Variants in ASXL3 observed in about 807,000 individuals in gnomAD.
ASXL3 encodes the protein ASXL transcriptional regulator 3, also known as putative Polycomb group protein ASXL3.
In ASXL3, 34 loss-of-function variants were observed where a neutral mutation model predicts 170.6. The ratio of observed to expected loss-of-function variants is 0.20; its 90% CI spans 0.15 to 0.27. ASXL3 has a LOEUF of 0.27. ASXL3 is among the 10% of genes least tolerant of loss of function. The pLI, the probability that ASXL3 is intolerant of heterozygous loss-of-function variation, is 1.00. For synonymous variants in ASXL3, 1,002 were observed against 989.1 expected, an observed-to-expected ratio of 1.01 and a Z score of -0.24; for missense variants, 2,592 against 2,695.3, an observed-to-expected ratio of 0.96 and a Z score of 0.85.
chr18:33,622,013 G>A (rs947667079), intron 2 of ASXL3, among the ~76,000 whole-genome samples: 5 of 152,100 alleles, frequency 3.3e-5, no homozygotes, highest in African/African-American at 1.2e-4. Flanking sequence ...ATAATGGTCT[G>A]AAAAGCCCAA....
chr18:33,644,904 C>A lies in ASXL3; in HGVS notation c.148C>A (p.Pro50Thr). The change falls in exon 3 of 12, where the codon CCA becomes ACA. Residue 50 changes from proline to threonine, a missense_variant. Pro to Thr is a conservative substitution (Grantham distance 38). Coordinates refer to ENST00000269197, the MANE Select transcript of ASXL3 (RefSeq NM_030632.3). ...EGLKETSGTS[P>T]LACLNAMLHT... Reference sequence around the variant, plus strand: ...ACTTTTATTTTCTAGTGGAACCTCTCCATTAGCCTGTCTGAATGCAATGCT... The same window carrying A: ...ACTTTTATTTTCTAGTGGAACCTCTACATTAGCCTGTCTGAATGCAATGCT... 1 of 1,568,910 alleles carries A rather than the reference C, an allele frequency of 6.4e-7. No individual in the cohort carries two copies. Among genetic ancestry groups the A allele is most frequent in the South Asian group, 1.2e-5 (1 of 85,236 alleles).
chr18:33,743,818 C>G lies in ASXL3; in HGVS notation c.3970C>G (p.Leu1324Val). The change falls in exon 12 of 12, where the codon CTA (leucine) becomes GTA (valine). Residue 1324 changes from leucine (L) to valine (V), a missense_variant. By Grantham distance (32) the Leu-to-Val change is conservative. Coordinates refer to ENST00000269197, the MANE Select transcript of ASXL3 (RefSeq NM_030632.3). ...AAGCTCCATGGATGATAAGCAGTTA[C>G]TAATATCAAGCAGCAGTGCTAGTAA... ...ISSSMDDKQLLISSSSASNLV... is the reference protein window; with the variant it reads ...ISSSMDDKQLVISSSSASNLV... 6.2e-7 allele frequency: 1 copy of G among 1,614,040 alleles called. No individual in the cohort carries two copies. Among genetic ancestry groups the G allele is most frequent in the Non-Finnish European group, 8.5e-7 (1 of 1,179,894 alleles).
intron 2 of ASXL3, among the ~76,000 whole-genome samples, chr18:33,628,909 C>G (rs1219201105): frequency 1.3e-5 from 2 of 152,176 alleles, no homozygotes; most frequent in Non-Finnish European, 2.9e-5. Context: ...TTCATACTAG[C>G]AGTTTTCATT....
At chr18:33,710,842 C>A (rs752617575) in intron 8 of ASXL3, among the ~76,000 whole-genome samples, 1 of 152,106 alleles carries the variant, frequency 6.6e-6, no homozygotes, top group Non-Finnish European at 1.5e-5. Context: ...TATTAAACTT[C>A]TAATTTTATT....
At chr18:33,604,606 GC>G (rs1412554483) in intron 1 of ASXL3, among the ~76,000 whole-genome samples, 1 of 151,930 alleles carries the variant, frequency 6.6e-6, no homozygotes, top group East Asian at 1.9e-4. Flanking sequence ...CCTGGACAAA[GC>G]CCCCCAAGGA....
chr18:33,645,539 A>G (rs1237190626), intron 3 of ASXL3, among the ~76,000 whole-genome samples: 1 of 152,002 alleles, frequency 6.6e-6, no homozygotes, highest in East Asian at 1.9e-4. Flanking sequence ...CTGAGTCTTA[A>G]TTATTTTAGT....
chr18:33,739,382 G>A lies in ASXL3; in HGVS notation c.1978G>A (p.Asp660Asn). ...TGAGGTATCTAGCACTGAAAATACA[G>A]ACAAATACAACCAGAGAAATTCCAC... ...CSEVSSTENT[D>N]KYNQRNSTDE... The change falls in exon 11 of 12, where the codon GAC (aspartate) becomes AAC (asparagine). Residue 660 changes from aspartate to asparagine, a missense_variant. By Grantham distance (23) the Asp-to-Asn change is conservative (BLOSUM62 1). This residue lies in a region of ASXL3 where 2,246 missense variants were observed against 2,219.6 expected (regional missense o/e 1.01). Coordinates refer to ENST00000269197, the MANE Select transcript of ASXL3 (RefSeq NM_030632.3). The A allele has an allele frequency of 1.9e-6, 3 of 1,613,754 alleles. No individual in the cohort carries two copies. The highest frequency in any genetic ancestry group is 2.5e-6 in the Non-Finnish European group (3 of 1,179,774).
At chr18:33,695,640 G>A (rs1174459271) in intron 8 of ASXL3, among the ~76,000 whole-genome samples, 1 of 151,986 alleles carries the variant, frequency 6.6e-6, no homozygotes, top group African/African-American at 2.4e-5. Context: ...CACATAATAG[G>A]CAATCTAACT....
chr18:33,678,153 C>T (rs1056735720), intron 7 of ASXL3, among the ~76,000 whole-genome samples: 3 of 151,972 alleles, frequency 2.0e-5, no homozygotes, highest in Middle Eastern at 3.2e-3. Context: ...GTCTGGATCT[C>T]CTGGCCTCAA....
chr18:33,703,354 G>A (rs1230069712), intron 8 of ASXL3, among the ~76,000 whole-genome samples: 3 of 152,090 alleles, frequency 2.0e-5, no homozygotes, highest in African/African-American at 7.2e-5. Context: ...TTTTGCTTTA[G>A]TAGCAGAGCA....
At position 33,740,262 on chromosome 18, in the gene ASXL3, G is replaced by A. The variant is rs770054665; in HGVS notation, c.2858G>A (p.Arg953Lys). ...CCCTCCAAGTCACCTGATGGGATAA[G>A]AAATGAAAGTAGAGATTCAGAGATA... is the stretch of plus-strand genomic sequence containing the variant. ...SEPSKSPDGI[R>K]NESRDSEISK... Residue 953 changes from arginine to lysine, a missense_variant, in exon 11 of 12, where the codon AGA (arginine) becomes AAA (lysine). Coordinates refer to ENST00000269197, the MANE Select transcript of ASXL3 (RefSeq NM_030632.3). The A allele has an allele frequency of 2.5e-6, 4 of 1,613,346 alleles. No homozygotes were observed. Among genetic ancestry groups the A allele is most frequent in the Admixed American group, 1.7e-5 (1 of 59,904 alleles).
intron 9 of ASXL3, among the ~76,000 whole-genome samples, chr18:33,733,000 C>G (rs1406873095): frequency 6.6e-6 from 1 of 152,064 alleles, no homozygotes; most frequent in Non-Finnish European, 1.5e-5. Flanking sequence ...ATTTTAAAAA[C>G]AGATTATAAA....
chr18:33,728,127 G>A (rs1267828603), intron 8 of ASXL3, among the ~76,000 whole-genome samples: 2 of 152,100 alleles, frequency 1.3e-5, no homozygotes, highest in African/African-American at 2.4e-5. Context: ...CTAAACTTCT[G>A]TATATCAGCT....
At chr18:33,594,976 A>G (rs1173339077) in intron 1 of ASXL3, among the ~76,000 whole-genome samples, 1 of 152,128 alleles carries the variant, frequency 6.6e-6, no homozygotes, top group Non-Finnish European at 1.5e-5. Flanking sequence ...ATAAACCATT[A>G]TGGTAAATAT....
At chr18:33,655,118 A>G (rs1366233897) in intron 4 of ASXL3, among the ~76,000 whole-genome samples, 2 of 152,078 alleles carry the variant, frequency 1.3e-5, no homozygotes. Context: ...CGACATTTGC[A>G]TCATATGATA....
intron 1 of ASXL3, among the ~76,000 whole-genome samples, chr18:33,584,311 AT>A (rs2065017696): frequency 1.3e-5 from 2 of 152,174 alleles, no homozygotes; most frequent in South Asian, 4.2e-4. Context: ...TTGCGATCAG[AT>A]TGGGGAGGGA....
In ASXL3 at chr18:33,622,308, GT is replaced by G. The variant is rs374264134; in HGVS notation, c.137+14633del. 2.7e-3 allele frequency among the ~76,000 whole-genome samples: 418 copies of G among 152,166 alleles called. 5 individuals are homozygous for G. Among genetic ancestry groups the G allele is most frequent in the African/African-American group, 9.3e-3 (387 of 41,514 alleles). On this transcript the variant is annotated intron_variant, in intron 2 of 11. Coordinates refer to ENST00000269197, the MANE Select transcript of ASXL3 (RefSeq NM_030632.3). ...GATATTGATCCCTGACCTTCCTATT[GT>G]CTAGGCTTGCTATGTAGACTAAAAT... is the stretch of plus-strand genomic sequence containing the variant.
At chr18:33,727,867 AC>A (rs2067376123) in intron 8 of ASXL3, among the ~76,000 whole-genome samples, 2 of 152,172 alleles carry the variant, frequency 1.3e-5, no homozygotes, top group Non-Finnish European at 2.9e-5. Context: ...ATTTAATTTT[AC>A]TGTCTGTTAC....
chr18:33,594,109 G>A (rs1179336438), intron 1 of ASXL3, among the ~76,000 whole-genome samples: 1 of 152,076 alleles, frequency 6.6e-6, no homozygotes, highest in East Asian at 1.9e-4. Flanking sequence ...TGAGAAGACG[G>A]ATTCCTTGTG....
Sources: gnomAD v4.1 joint callset for allele counts (sites outside exome capture counted in the v4.1 genomes callset) on GRCh38, gnomAD v4.1.1 for gene constraint, gnomAD v4.1.1 regional missense constraint, MANE v1.5 for transcripts, NCBI Gene and HGNC (gene_info 2026-07-23, HGNC 2026-07-21) for gene names.